Variants in ZNF385B observed in about 807,000 individuals in gnomAD.
ZNF385B encodes the protein zinc finger protein 533.
Under a neutral mutation model 39.2 loss-of-function variants are expected in ZNF385B, and 23 were observed. That is an observed-to-expected ratio of 0.59 (90% confidence interval 0.42 to 0.83). ZNF385B has a LOEUF of 0.83. ZNF385B is among the 40% of genes least tolerant of loss of function. ZNF385B has a pLI of 0.00. For missense variants in ZNF385B, 552 were observed against 598.9 expected, an observed-to-expected ratio of 0.92 and a Z score of 0.82; for synonymous variants, 205 against 222.6, an observed-to-expected ratio of 0.92 and a Z score of 0.70.
rs1015411522 is a variant in ZNF385B at position 179,779,301 on chromosome 2, G to A, written c.-154-8629C>T. On this transcript the variant is annotated intron_variant, in intron 1 of 9. Transcript: ENST00000410066. The stretch of plus-strand genomic sequence containing the variant: ...ATGTGCACAGGTCCGGAAGCAAGAC[G>A]AAAGATGGCAGATGTGACAAACTAA... Among the ~76,000 whole-genome samples, 4 of 152,326 alleles carry A rather than the reference G, an allele frequency of 2.6e-5. No individual in the cohort carries two copies. In the South Asian group the frequency reaches 6.2e-4, roughly 24 times the overall value.
intron 3 of ZNF385B, among the ~76,000 whole-genome samples, chr2:179,656,128 C>T (rs1025017871): frequency 1.3e-5 from 2 of 152,044 alleles, no homozygotes; most frequent in African/African-American, 4.8e-5. Context: ...ATGGATAATA[C>T]CTTTACCTGC....
chr2:179,683,233 C>CA, intron 3 of ZNF385B, among the ~76,000 whole-genome samples: 1 of 151,614 alleles, frequency 6.6e-6, no homozygotes, highest in Non-Finnish European at 1.5e-5. Flanking sequence ...ACTAAAAATA[C>CA]AAAAAAATTA....
At chr2:179,671,809 G>A (rs1313253488) in intron 3 of ZNF385B, among the ~76,000 whole-genome samples, 1 of 152,244 alleles carries the variant, frequency 6.6e-6, no homozygotes, top group Non-Finnish European at 1.5e-5. Flanking sequence ...CAGTGGGGGT[G>A]TGGCTGCCTC....
At chr2:179,682,206 T>A (rs539816089) in intron 3 of ZNF385B, among the ~76,000 whole-genome samples, 1 of 152,218 alleles carries the variant, frequency 6.6e-6, no homozygotes, top group Non-Finnish European at 1.5e-5. Context: ...ATAGTGTTCC[T>A]CTTCCCCACC....
chr2:179,507,423 C>T (rs183200881), intron 5 of ZNF385B, among the ~76,000 whole-genome samples: 2 of 152,262 alleles, frequency 1.3e-5, no homozygotes, highest in East Asian at 3.9e-4. Flanking sequence ...CACCAGGAAC[C>T]TTTGTGCAAA....
At chr2:179,698,151 G>A (rs1043922927) in intron 3 of ZNF385B, among the ~76,000 whole-genome samples, 6 of 150,140 alleles carry the variant, frequency 4.0e-5, no homozygotes, top group African/African-American at 1.2e-4. Flanking sequence ...TGCACGTTGT[G>A]CACATGTACT....
intron 6 of ZNF385B, among the ~76,000 whole-genome samples, chr2:179,458,611 C>G (rs760347723): frequency 7.2e-5 from 11 of 152,240 alleles, no homozygotes; most frequent in Non-Finnish European, 1.5e-4. Context: ...AGAGGTCACT[C>G]TTTTGTAAGA....
intron 3 of ZNF385B, among the ~76,000 whole-genome samples, chr2:179,716,554 G>T (rs1482541896): frequency 6.6e-6 from 1 of 152,184 alleles, no homozygotes; most frequent in Non-Finnish European, 1.5e-5. Context: ...GTAGCAAACA[G>T]TATATTCCAA....
chr2:179,694,853 C>T (rs1698602748), intron 3 of ZNF385B, among the ~76,000 whole-genome samples: 1 of 151,990 alleles, frequency 6.6e-6, no homozygotes, highest in Admixed American at 6.6e-5. Flanking sequence ...TCTCTTGAAC[C>T]TGGGAGGTGG....
chr2:179,719,500 T>C (rs1020243391), intron 3 of ZNF385B, among the ~76,000 whole-genome samples: 1 of 152,228 alleles, frequency 6.6e-6, no homozygotes, highest in African/African-American at 2.4e-5. Context: ...AAGGAAATAC[T>C]AGCTTACTAA....
intron 3 of ZNF385B, among the ~76,000 whole-genome samples, chr2:179,714,793 A>T (rs916188320): frequency 6.6e-6 from 1 of 150,626 alleles, no homozygotes; most frequent in African/African-American, 2.4e-5. Flanking sequence ...TAAAACTACA[A>T]AAAAAAAATT....
chr2:179,467,591 G>GGCCC (rs1444682790), intron 6 of ZNF385B, among the ~76,000 whole-genome samples: 1 of 152,124 alleles, frequency 6.6e-6, no homozygotes, highest in African/African-American at 2.4e-5. Context: ...AAGGCAGTCA[G>GGCCC]GCCCTTCTTA....
At chr2:179,612,849 G>A (rs896897887) in intron 3 of ZNF385B, among the ~76,000 whole-genome samples, 1 of 152,178 alleles carries the variant, frequency 6.6e-6, no homozygotes, top group African/African-American at 2.4e-5. Context: ...CCCTGGGAAC[G>A]TCTAGAGATG....
At chr2:179,809,696 G>A (rs78712790) in intron 1 of ZNF385B, among the ~76,000 whole-genome samples, 1,845 of 152,124 alleles carry the variant, frequency 0.012, 12 homozygotes, top group Non-Finnish European at 0.019. Flanking sequence ...AATGGGTCAC[G>A]TGGGACACGA....
At chr2:179,714,074 T>C (rs73973710) in intron 3 of ZNF385B, among the ~76,000 whole-genome samples, 4,380 of 152,314 alleles carry the variant, frequency 0.029, 178 homozygotes, top group African/African-American at 0.095. Context: ...GTCAGTTTAC[T>C]CTGCCCTGCA....
chr2:179,505,489 A>T (rs1301060226), intron 5 of ZNF385B, among the ~76,000 whole-genome samples: 1 of 152,104 alleles, frequency 6.6e-6, no homozygotes, highest in African/African-American at 2.4e-5. Flanking sequence ...TATAAAAATA[A>T]ATCATCACAT....
At chr2:179,515,170 T>C (rs1412888532) in intron 5 of ZNF385B, among the ~76,000 whole-genome samples, 1 of 152,210 alleles carries the variant, frequency 6.6e-6, no homozygotes, top group Non-Finnish European at 1.5e-5. Context: ...ACCCCTATTA[T>C]TCAGTCAGTG....
At chr2:179,753,331 G>T (rs1321776675) in intron 3 of ZNF385B, among the ~76,000 whole-genome samples, 1 of 152,088 alleles carries the variant, frequency 6.6e-6, no homozygotes, top group Non-Finnish European at 1.5e-5. Context: ...TGCTGTTTTG[G>T]TTACTGTGGC....
At chr2:179,643,195 C>A (rs1692422394) in intron 3 of ZNF385B, among the ~76,000 whole-genome samples, 2 of 150,708 alleles carry the variant, frequency 1.3e-5, no homozygotes, top group African/African-American at 4.9e-5. Context: ...AACTAGTATT[C>A]ACCACAGTGA....
Sources: gnomAD v4.1 joint callset for allele counts (sites outside exome capture counted in the v4.1 genomes callset) on GRCh38, gnomAD v4.1.1 for gene constraint, MANE v1.5 for transcripts, NCBI Gene and HGNC (gene_info 2026-07-23, HGNC 2026-07-21) for gene names.